The following GPR137 variants were observed in gnomAD, a reference collection of about 807,000 sequenced individuals.
The protein encoded by GPR137 is integral membrane protein GPR137.
In GPR137, 20 loss-of-function variants were observed where a neutral mutation model predicts 38.9. That is an observed-to-expected ratio of 0.51 (90% CI 0.36 to 0.75). The LOEUF (loss-of-function observed/expected upper bound fraction) is 0.75, where lower values mean the gene tolerates loss of function less well. Ranked by LOEUF, GPR137 falls within the 30% of genes least tolerant of loss-of-function variation. GPR137 has a pLI of 0.00. For missense variants in GPR137, 456 were observed against 526.4 expected (o/e 0.87, Z 1.31); for synonymous variants, 226 against 235.8 (o/e 0.96, Z 0.38).
chr11:64,281,960 A>C (rs991110323), upstream of GPR137, among the ~76,000 whole-genome samples: 1 of 151,936 alleles, frequency 6.6e-6, no homozygotes, highest in Non-Finnish European at 1.5e-5. Flanking sequence ...ACCTTGTGAT[A>C]CGCCCACCTA....
Position 64,288,824 on chromosome 11 carries a change from C to A in GPR137, c.1031+103C>A. On this transcript the variant is annotated intron_variant, in intron 6 of 6. Transcript: ENST00000438980. The surrounding 1 kb of genome is among the most constrained non-coding windows in gnomAD (Gnocchi z 5.5). Reference sequence around the variant, plus strand: ...AGATAGCCGGGTCTTGCCTTCCACCCCTGCCATGGCCTTTGCTTCCCCATC... The same window carrying A: ...AGATAGCCGGGTCTTGCCTTCCACCACTGCCATGGCCTTTGCTTCCCCATC... 6.9e-7 allele frequency: 1 copy of A among 1,448,204 alleles called. No individual in the cohort carries two copies. The allele number at this position is 1,448,204 out of a possible 1,614,324, so 89.7% of individuals were successfully genotyped here.
At chr11:64,280,546 T>C (rs1591170899), upstream of GPR137, among the ~76,000 whole-genome samples, 1 of 148,036 alleles carries the variant, frequency 6.8e-6, no homozygotes, top group African/African-American at 2.5e-5. Flanking sequence ...AGAGACGGGG[T>C]TTCACCGTGT....
intron 2 of GPR137, among the ~76,000 whole-genome samples, chr11:64,278,736 A>G (rs932034955): frequency 2.6e-5 from 4 of 152,194 alleles, no homozygotes; most frequent in African/African-American, 9.7e-5. Flanking sequence ...GTGGGCTGTC[A>G]CAGCACAAGG....
chr11:64,274,174 C>T (rs1040906934), upstream of GPR137, among the ~76,000 whole-genome samples: 5 of 152,084 alleles, frequency 3.3e-5, no homozygotes, highest in Admixed American at 6.5e-5. Context: ...AGGCGCATCA[C>T]GAGGTCAGGA....
Position 64,289,046 on chromosome 11 carries a change from C to T in GPR137, c.1041C>T (p.Gly347=). ...TGTTTCTCTGCTGCAGTATGTCGGGCAGTCTAGGCTCTGGGAGCTGGTATG... is the reference window on the plus strand; with the variant it reads ...TGTTTCTCTGCTGCAGTATGTCGGGTAGTCTAGGCTCTGGGAGCTGGTATG... ...HSRGESTSMS[G]SLGSGSWYGA... The change falls in exon 7 of 7, where the codon GGC becomes GGT. Residue 347 remains glycine (G), a synonymous_variant. Coordinates refer to ENST00000438980, the MANE Select transcript of GPR137 (RefSeq NM_001170880.2). The T allele has an allele frequency of 1.3e-6, 2 of 1,578,682 alleles. No individual in the cohort carries two copies. The highest frequency in any genetic ancestry group is 8.6e-7 in the Non-Finnish European group (1 of 1,166,266).
rs776960634 is a variant in GPR137 at position 64,288,225 on chromosome 11, G to A, written c.783+11G>A. 1.1e-5 allele frequency: 18 copies of A among 1,610,584 alleles called. No individual in the cohort carries two copies. Among genetic ancestry groups the A allele is most frequent in the Admixed American group, 1.0e-4 (6 of 59,934 alleles). ...AATGTGTCTGACCAGGTGGGCATAC[G>A]CATGTCTGCCACCTCCTTAGTAGCC... On this transcript the variant is annotated intron_variant, in intron 4 of 6. Coordinates refer to ENST00000438980, the MANE Select transcript of GPR137 (RefSeq NM_001170880.2). This position sits in a 1 kb window ranked among gnomAD's most constrained non-coding sequence, Gnocchi z 5.5.
At chr11:64,277,455 A>AG (rs1451224483) in intron 2 of GPR137, among the ~76,000 whole-genome samples, 2 of 152,220 alleles carry the variant, frequency 1.3e-5, no homozygotes, top group Admixed American at 6.5e-5. Context: ...TTTAAAAAAC[A>AG]GCGACAGGGT....
chr11:64,271,379 ACT>A (rs1285035817), upstream of GPR137, among the ~76,000 whole-genome samples: 1 of 85,728 alleles, frequency 1.2e-5, no homozygotes, highest in African/African-American at 3.6e-5. Context: ...ATGCCCTGTG[ACT>A]CACACACACA....
Position 64,289,468 on chromosome 11 carries a change from C to G in GPR137, c.*272C>G, listed in dbSNP as rs2034545260. On this transcript the variant is annotated 3_prime_UTR_variant, in exon 7 of 7. Transcript: ENST00000438980. ...CCAGCTACCTCTCCTGTGCCTGCCA[C>G]TCAATAAACAGTGTCTGCGCCCCAC... 6.7e-7 allele frequency: 1 copy of G among 1,492,280 alleles called. No homozygotes were observed. Among genetic ancestry groups the G allele is most frequent in the Non-Finnish European group, 8.9e-7 (1 of 1,124,810 alleles). The allele number at this position is 1,492,280 out of a possible 1,614,324, so 92.4% of individuals were successfully genotyped here.
chr11:64,284,962 A>G, upstream of GPR137: 1 of 1,385,526 alleles, frequency 7.2e-7, no homozygotes, highest in South Asian at 1.6e-5. Context: ...TTCTGCCAAC[A>G]AGTCCTTCAG....
Position 64,288,115 on chromosome 11 carries a change from C to T in GPR137, c.684C>T (p.Leu228=). 2 of 1,612,538 alleles carry T rather than the reference C, an allele frequency of 1.2e-6. No homozygotes were observed. The highest frequency in any genetic ancestry group is 1.7e-6 in the Non-Finnish European group (2 of 1,179,996). ...CGATGGGTGGCGCCATGGTCCTGCT[C>T]TATGCCAGCCGGGCCTGCTACAACC... ...AAAMGGAMVL[L]YASRACYNLT... The change falls in exon 4 of 7, where the codon CTC becomes CTT. Residue 228 remains leucine, a synonymous_variant. Coordinates refer to ENST00000438980, the MANE Select transcript of GPR137 (RefSeq NM_001170880.2). The surrounding 1 kb of genome is among the most constrained non-coding windows in gnomAD (Gnocchi z 5.5).
upstream of GPR137, among the ~76,000 whole-genome samples, chr11:64,281,676 G>C (rs2033480694): frequency 6.6e-6 from 1 of 152,122 alleles, no homozygotes; most frequent in Admixed American, 6.6e-5. Flanking sequence ...GGTGAGTGCT[G>C]ACCACCTCTG....
upstream of GPR137, chr11:64,284,897 T>A (rs2033783122): frequency 6.9e-7 from 1 of 1,438,904 alleles, no homozygotes; most frequent in African/African-American, 1.4e-5. Context: ...CTTGGGCGTG[T>A]GTGGGAGCAG....
In GPR137 at chr11:64,287,941, G is replaced by A. The variant is rs781430494; in HGVS notation, c.628G>A (p.Ala210Thr). 92 of 1,601,334 alleles carry A rather than the reference G, an allele frequency of 5.7e-5. No homozygotes were observed. Among genetic ancestry groups the A allele is most frequent in the East Asian group, 3.1e-4 (14 of 44,880 alleles). ...GCCCTCCACTAGCATCTACCTGGAG[G>A]CCAAGGTAGGGCTGCAGCACTGATG... Reference protein sequence around the residue: ...RAPSTSIYLEAKGTSVCQAAA... With the variant: ...RAPSTSIYLETKGTSVCQAAA... The change falls in exon 3 of 7, where the codon GCC (alanine) becomes ACC (threonine). Residue 210 changes from alanine to threonine, a missense_variant. Physicochemically the swap from Ala to Thr is moderately conservative, Grantham distance 58. Coordinates refer to ENST00000438980, the MANE Select transcript of GPR137 (RefSeq NM_001170880.2).
chr11:64,284,287 C>G, upstream of GPR137: 1 of 1,611,962 alleles, frequency 6.2e-7, no homozygotes, highest in Non-Finnish European at 8.5e-7. Context: ...GGCCCGTCCC[C>G]TGCGGGGCTG....
intron 1 of GPR137, among the ~76,000 whole-genome samples, chr11:64,276,070 C>T (rs1424069277): frequency 6.6e-6 from 1 of 152,116 alleles, no homozygotes; most frequent in Admixed American, 6.5e-5. Context: ...AGGCTCCTTC[C>T]AGCTGTACCT....
Position 64,278,824 on chromosome 11 carries a change from G to A in GPR137, c.-16+2403G>A, listed in dbSNP as rs368689737. 4.6e-5 allele frequency among the ~76,000 whole-genome samples: 7 copies of A among 152,222 alleles called. No individual in the cohort carries two copies. In the East Asian group the frequency reaches 1.2e-3, roughly 25 times the overall value. ...GTGGCAGGGACTATGAGGAGTGACC[G>A]AACCAAGTGTGAGTTGCTCTGCGCA... On this transcript the variant is annotated intron_variant, in intron 2 of 2. Coordinates refer to the GPR137 transcript ENST00000538244.
rs149261823 is a variant in GPR137, at chr11:64,287,629, T to A, written c.408-92T>A. On this transcript the variant is annotated intron_variant, in intron 2 of 6. Coordinates refer to ENST00000438980, the MANE Select transcript of GPR137 (RefSeq NM_001170880.2). ...AGGGCTCAGACTGGATGCCCTGAGT[T>A]TTGTCGACATTGGGGTTTCCTGCAG... is the stretch of plus-strand genomic sequence containing the variant. 3.2e-6 allele frequency: 5 copies of A among 1,573,472 alleles called. No homozygotes were observed. In the East Asian group the frequency reaches 1.1e-4, roughly 35 times the overall value.
upstream of GPR137, among the ~76,000 whole-genome samples, chr11:64,270,969 C>G (rs1445046343): frequency 1.4e-5 from 1 of 69,080 alleles, no homozygotes; most frequent in African/African-American, 4.4e-5. Context: ...TCCCAGCATG[C>G]CCTGTGACAC....
Sources: gnomAD v4.1 joint callset for allele counts (sites outside exome capture counted in the v4.1 genomes callset) on GRCh38, gnomAD v4.1.1 for gene constraint, Gnocchi (gnomAD v3.1) non-coding constraint, MANE v1.5 for transcripts, NCBI Gene and HGNC (gene_info 2026-07-23, HGNC 2026-07-21) for gene names.